MYCBP2: variants seen among roughly 807,000 people sequenced by gnomAD.
MYCBP2 encodes E3 ubiquitin-protein ligase MYCBP2.
MYCBP2 carries 120 observed loss-of-function variants against 525.3 expected under a neutral mutation model. The observed-to-expected ratio is 0.23, with a 90% CI of 0.20 to 0.27. The LOEUF (loss-of-function observed/expected upper bound fraction) is 0.27, where lower values mean the gene tolerates loss of function less well. Among genes scored for constraint, MYCBP2 ranks in the 10% least tolerant of loss-of-function variants. The pLI is 1.00. For missense variants in MYCBP2, 4,149 were observed against 5,657.1 expected (o/e 0.73, Z 8.55); for synonymous variants, 1,894 against 1,955.8 (o/e 0.97, Z 0.83).
intron 36 of MYCBP2, among the ~76,000 whole-genome samples, chr13:77,175,828 G>A (rs570012324): frequency 1.6e-3 from 249 of 151,790 alleles, no homozygotes; most frequent in African/African-American, 5.6e-3. Flanking sequence ...ATAGTGGCAC[G>A]TGGCTGTAAT....
At chr13:77,220,797 T>G (rs1013671170) in intron 20 of MYCBP2, among the ~76,000 whole-genome samples, 1 of 152,144 alleles carries the variant, frequency 6.6e-6, no homozygotes, top group African/African-American at 2.4e-5. Flanking sequence ...TCCACAAAAG[T>G]CCAGACAGAC....
intron 43 of MYCBP2, among the ~76,000 whole-genome samples, chr13:77,163,798 C>G (rs2058221263): frequency 6.6e-6 from 1 of 152,110 alleles, no homozygotes; most frequent in Non-Finnish European, 1.5e-5. Context: ...TACAAGCAAC[C>G]AACAAGTCTT....
At chr13:77,176,000 A>G (rs2059664475) in intron 36 of MYCBP2, among the ~76,000 whole-genome samples, 1 of 141,014 alleles carries the variant, frequency 7.1e-6, no homozygotes, top group South Asian at 2.2e-4. Context: ...AAGAAACAAA[A>G]CAAAACAAAA....
chr13:77,162,780 C>T (rs1025498396), intron 43 of MYCBP2, among the ~76,000 whole-genome samples: 1 of 152,158 alleles, frequency 6.6e-6, no homozygotes, highest in Non-Finnish European at 1.5e-5. Context: ...CCCCAGCCTC[C>T]CGAGTAGCTG....
intron 1 of MYCBP2, among the ~76,000 whole-genome samples, chr13:77,309,314 T>C (rs1338147622): frequency 6.6e-6 from 1 of 152,208 alleles, no homozygotes; most frequent in Non-Finnish European, 1.5e-5. Context: ...AAGAGGCAGT[T>C]TGTGAGTGAC....
chr13:77,262,942 AATGAG>A (rs1226121031), intron 10 of MYCBP2, among the ~76,000 whole-genome samples: 1 of 152,066 alleles, frequency 6.6e-6, no homozygotes, highest in African/African-American at 2.4e-5. Flanking sequence ...TATGAAATGT[AATGAG>A]ATAACAGTCA....
intron 47 of MYCBP2, among the ~76,000 whole-genome samples, chr13:77,146,460 T>C (rs185399159): frequency 2.0e-4 from 30 of 151,594 alleles, no homozygotes; most frequent in Non-Finnish European, 2.1e-4. Flanking sequence ...TAACATCTTT[T>C]GAGTACATTA....
chr13:77,157,896 G>A (rs755708888), intron 45 of MYCBP2, 41 bp downstream of exon 45: 8 of 1,503,424 alleles, frequency 5.3e-6, no homozygotes, highest in Non-Finnish European at 7.2e-6. Context: ...GAAGAAAGAT[G>A]AAAGCCCTAA....
At chr13:77,067,440 C>T in intron 71 of MYCBP2, 141 bp downstream of exon 71, 3 of 799,172 alleles carry the variant, frequency 3.8e-6, no homozygotes, top group Non-Finnish European at 2.0e-6. Flanking sequence ...ATATACATGA[C>T]CTTTTTAGAT....
chr13:77,168,629 A>G lies in MYCBP2; in HGVS notation c.5913T>C (p.Phe1971=), dbSNP rs764051009. The G allele has an allele frequency of 1.5e-5, 25 of 1,614,094 alleles. No homozygotes were observed. The highest frequency in any genetic ancestry group is 2.1e-5 in the Non-Finnish European group (25 of 1,180,048). Residue 1971 remains phenylalanine, a synonymous_variant, in exon 40 of 83, where the codon TTT becomes TTC. Transcript: ENST00000544440. ...AAIPKVAVEV[F]GLVQQLLPSV... is the part of the protein sequence containing the mutation. ...ACGGAAGCAATTGTTGGACAAGGCC[A>G]AAGACTTCTACAGCCACCTAGTACA...
At position 77,206,773 on chromosome 13, in the gene MYCBP2, C is replaced by T. The variant is rs774078287; in HGVS notation, c.3469G>A (p.Ala1157Thr). Residue 1157 changes from alanine (A) to threonine (T), a missense_variant, in exon 24 of 83, where the codon GCC (alanine) becomes ACC (threonine). Around this residue, in one of 21 missense-constraint regions of MYCBP2, gnomAD observed 620 missense variants for 795.5 expected, o/e 0.78. Transcript: ENST00000544440. ...LWCYNAVVAD[A>T]RLPSAADMQS... is the part of the protein sequence containing the mutation. ...ATGTCTGCTGCAGAGGGAAGCCTGG[C>T]ATCAGCAACCACCGCATTGTAACAC... 1 of 1,611,096 alleles carries T rather than the reference C, an allele frequency of 6.2e-7. No homozygotes were observed. Among genetic ancestry groups the T allele is most frequent in the Non-Finnish European group, 8.5e-7 (1 of 1,178,144 alleles).
intron 46 of MYCBP2, among the ~76,000 whole-genome samples, chr13:77,155,615 T>C (rs1349263635): frequency 1.3e-5 from 2 of 152,184 alleles, no homozygotes; most frequent in East Asian, 3.8e-4. Flanking sequence ...TCTTTTACAA[T>C]CTAAACTCAT....
intron 44 of MYCBP2, among the ~76,000 whole-genome samples, chr13:77,161,551 A>G (rs1157475309): frequency 6.6e-6 from 1 of 152,200 alleles, no homozygotes; most frequent in African/African-American, 2.4e-5. Context: ...CCTTTGTGAA[A>G]TGTCTTTCCC....
At chr13:77,050,846 C>A (rs2154054610) in intron 82 of MYCBP2, 151 bp downstream of exon 82, 2 of 655,938 alleles carry the variant, frequency 3.0e-6, no homozygotes, top group Non-Finnish European at 5.0e-6. Context: ...CCCAGAAAGT[C>A]ATAAGCTTAC....
chr13:77,296,475 C>T, intron 2 of MYCBP2, 124 bp downstream of exon 2: 1 of 1,051,698 alleles, frequency 9.5e-7, no homozygotes, highest in Non-Finnish European at 1.3e-6. Context: ...TCATAAAGGG[C>T]TTTTACAAAA....
intron 20 of MYCBP2, among the ~76,000 whole-genome samples, chr13:77,222,515 A>T (rs2065732555): frequency 6.6e-6 from 1 of 152,088 alleles, no homozygotes; most frequent in African/African-American, 2.4e-5. Context: ...TGCAGTGCCC[A>T]CAGATCTGAC....
intron 55 of MYCBP2, among the ~76,000 whole-genome samples, chr13:77,106,714 TTTAAG>T (rs907012548): frequency 4.6e-5 from 7 of 152,134 alleles, no homozygotes; most frequent in Non-Finnish European, 7.4e-5. Flanking sequence ...TTTTCTTCTC[TTTAAG>T]TTCCTTTTTT....
chr13:77,278,910 A>C lies in MYCBP2; in HGVS notation c.596T>G (p.Ile199Ser). The C allele has an allele frequency of 6.4e-7, 1 of 1,561,706 alleles. No individual in the cohort carries two copies. Among genetic ancestry groups the C allele is most frequent in the Non-Finnish European group, 8.6e-7 (1 of 1,158,054 alleles). Residue 199 changes from isoleucine to serine, a missense_variant and splice_region_variant, in exon 4 of 83, where the codon ATT (isoleucine) becomes AGT (serine). Around this residue, in one of 21 missense-constraint regions of MYCBP2, gnomAD observed 413 missense variants for 451.2 expected, o/e 0.92. Transcript: ENST00000544440. The part of the protein sequence containing the change: ...SKEPPIKLPK[I>S]IEVGLCEVFE... ...AACTTCACAAAGGCCAACCTCAATA[A>C]TCTATTTAAAAGGAAAAAATATATA...
chr13:77,257,820 G>A lies in MYCBP2; in HGVS notation c.2027C>T (p.Thr676Ile). ...AGTTACAAAATGGCCCTTCAAATCAGTTACCAAACCTATAGGAAAGAAACA... is the reference window on the plus strand; with the variant it reads ...AGTTACAAAATGGCCCTTCAAATCAATTACCAAACCTATAGGAAAGAAACA... The part of the protein sequence containing the change: ...AIYSDSSSLV[T>I]DLKGHFVTQV... Residue 676 changes from threonine (T) to isoleucine (I), a missense_variant, in exon 14 of 83, where the codon ACT becomes ATT. This residue lies in a region of MYCBP2 where 262 missense variants were observed against 419.3 expected (regional missense o/e 0.62). Transcript: ENST00000544440. 1 of 1,605,774 alleles carries A rather than the reference G, an allele frequency of 6.2e-7. No homozygotes were observed. The highest frequency in any genetic ancestry group is 1.7e-5 in the Admixed American group (1 of 57,668).
Sources: gnomAD v4.1 joint callset for allele counts (sites outside exome capture counted in the v4.1 genomes callset) on GRCh38, gnomAD v4.1.1 for gene constraint, gnomAD v4.1.1 regional missense constraint, MANE v1.5 for transcripts, NCBI Gene and HGNC (gene_info 2026-07-23, HGNC 2026-07-21) for gene names.